Variants in LCORL observed in about 807,000 individuals in gnomAD.
The protein encoded by LCORL is ligand dependent nuclear receptor corepressor like, also known as ligand-dependent nuclear receptor corepressor-like protein.
Under a neutral mutation model 141.8 loss-of-function variants are expected in LCORL, and 41 were observed. The observed-to-expected ratio is 0.29, with a 90% CI of 0.23 to 0.38. The LOEUF (loss-of-function observed/expected upper bound fraction) is 0.38. LCORL is among the 10% of genes least tolerant of loss of function. LCORL has a pLI of 1.00. For synonymous variants in LCORL, 618 were observed against 694.1 expected (o/e 0.89, Z 1.72); for missense variants, 1,759 against 2,035.0 (o/e 0.86, Z 2.61).
chr4:17,847,593 G>A (rs1474234264), intron 7 of LCORL, among the ~76,000 whole-genome samples: 1 of 152,168 alleles, frequency 6.6e-6, no homozygotes, highest in East Asian at 1.9e-4. Context: ...TAAAACGGAT[G>A]TGATTAAAAA....
chr4:17,903,184 G>A (rs1317724561), intron 5 of LCORL, among the ~76,000 whole-genome samples: 1 of 151,972 alleles, frequency 6.6e-6, no homozygotes, highest in Non-Finnish European at 1.5e-5. Context: ...ATACCAAGCA[G>A]TGGAGACACA....
chr4:17,893,460 G>C, intron 5 of LCORL: 4 of 985,318 alleles, frequency 4.1e-6, no homozygotes, highest in Non-Finnish European at 4.8e-6. Context: ...ACAGTTTACA[G>C]AGGATATATA....
At chr4:17,987,873 C>A (rs1490666418) in intron 1 of LCORL, among the ~76,000 whole-genome samples, 1 of 152,168 alleles carries the variant, frequency 6.6e-6, no homozygotes, top group Non-Finnish European at 1.5e-5. Flanking sequence ...TTATTTTGAA[C>A]ATAAATCCCT....
chr4:18,009,900 T>C (rs542831379), intron 1 of LCORL, among the ~76,000 whole-genome samples: 2 of 152,278 alleles, frequency 1.3e-5, no homozygotes, highest in African/African-American at 2.4e-5. Context: ...TACATGACGA[T>C]GTGGCTCTGC....
chr4:17,867,035 G>A (rs1725757500), intron 7 of LCORL: 2 of 969,708 alleles, frequency 2.1e-6, no homozygotes, highest in African/African-American at 3.5e-5. Flanking sequence ...GCTGCAGGGA[G>A]AGAATAAAGA....
At chr4:17,842,856 G>C (rs1722549435) in exon 8 of LCORL, 1 of 164,196 alleles carries the variant, frequency 6.1e-6, no homozygotes, top group Non-Finnish European at 1.3e-5. Context: ...TGTATTTTCA[G>C]TACATAGTTT....
chr4:17,882,049 T>G, intron 6 of LCORL: 6 of 984,036 alleles, frequency 6.1e-6, no homozygotes, highest in Non-Finnish European at 7.2e-6. Context: ...GGGTTAAGTA[T>G]AGATCTCAGA....
rs1242629047 is a variant in LCORL at position 17,884,733 on chromosome 4, C to G, written c.776+1335G>C. ...TCAGCACTTCTTTCCACATAGTCCT[C>G]TCTGTTTCTGTGTAGTCTCCTGGAT... On this transcript the variant is annotated intron_variant, in intron 6 of 7. Transcript: ENST00000635767. This position sits in a 1 kb window ranked among gnomAD's most constrained non-coding sequence, Gnocchi z 4.4. 6.8e-7 allele frequency: 1 copy of G among 1,480,332 alleles called. No homozygotes were observed. Among genetic ancestry groups the G allele is most frequent in the East Asian group, 2.5e-5 (1 of 40,536 alleles). The allele number at this position is 1,480,332 out of a possible 1,614,324, so 91.7% of individuals were successfully genotyped here.
chr4:17,933,873 GAT>G (rs1736436802), intron 4 of LCORL, among the ~76,000 whole-genome samples: 1 of 152,002 alleles, frequency 6.6e-6, no homozygotes, highest in African/African-American at 2.4e-5. Context: ...ATGAAGAGTT[GAT>G]ATGTTTTCAG....
Position 17,884,392 on chromosome 4 carries a change from G to A in LCORL, c.776+1676C>T. On this transcript the variant is annotated intron_variant, in intron 6 of 7. Coordinates refer to ENST00000635767, the Ensembl canonical transcript of LCORL. This position sits in a 1 kb window ranked among gnomAD's most constrained non-coding sequence, Gnocchi z 4.4. ...GTAGAGTTAGCTGATGGAGGTAAGT[G>A]GAAGCTGTTGGGAATTTTATTTCTG... 1.3e-6 allele frequency: 2 copies of A among 1,548,816 alleles called. No homozygotes were observed. The highest frequency in any genetic ancestry group is 1.7e-6 in the Non-Finnish European group (2 of 1,145,842).
chr4:17,853,973 C>A (rs1724065399), intron 7 of LCORL, among the ~76,000 whole-genome samples: 1 of 152,034 alleles, frequency 6.6e-6, no homozygotes, highest in Non-Finnish European at 1.5e-5. Context: ...CATAAATTAC[C>A]AGAATAAAAC....
At chr4:18,014,565 T>A (rs1238647460) in intron 1 of LCORL, among the ~76,000 whole-genome samples, 1 of 151,894 alleles carries the variant, frequency 6.6e-6, no homozygotes, top group African/African-American at 2.4e-5. Flanking sequence ...AAAAGAAAAG[T>A]AAGACGCAAA....
chr4:17,980,642 C>A lies in LCORL; in HGVS notation c.155-7757G>T, dbSNP rs569191693. Among the ~76,000 whole-genome samples, 5 of 152,286 alleles carry A rather than the reference C, an allele frequency of 3.3e-5. No homozygotes were observed. The South Asian group carries it at 1.0e-3, about 32-fold the overall frequency. On this transcript the variant is annotated intron_variant, in intron 1 of 7. Coordinates refer to ENST00000635767, the Ensembl canonical transcript of LCORL. ...TAGCCATTTTTAACTTTTTAAAAAT[C>A]CAGCACTTTTCATTGTTTTTAGAAG...
chr4:17,861,062 T>C (rs904120387), intron 7 of LCORL, among the ~76,000 whole-genome samples: 1 of 152,144 alleles, frequency 6.6e-6, no homozygotes. Context: ...TTTTGGTGGA[T>C]CTACCATTCT....
At chr4:17,880,360 T>C (rs1727398973) in intron 6 of LCORL, 2 of 703,316 alleles carry the variant, frequency 2.8e-6, no homozygotes, top group Non-Finnish European at 3.5e-6. Flanking sequence ...TAGAATTTAT[T>C]CTCAGGTGAT....
chr4:17,998,287 A>G (rs1001436543), intron 1 of LCORL, among the ~76,000 whole-genome samples: 9 of 152,164 alleles, frequency 5.9e-5, no homozygotes, highest in African/African-American at 2.2e-4. Flanking sequence ...ACATTGTACG[A>G]CTACACTAAA....
chr4:17,976,805 T>C (rs1717077676), intron 1 of LCORL, among the ~76,000 whole-genome samples: 1 of 152,298 alleles, frequency 6.6e-6, no homozygotes, highest in South Asian at 2.1e-4. Flanking sequence ...GTGGTTTGCA[T>C]AGTTGCTGGC....
At chr4:17,888,834 G>A (rs1464344598) in intron 5 of LCORL, among the ~76,000 whole-genome samples, 1 of 152,004 alleles carries the variant, frequency 6.6e-6, no homozygotes, top group East Asian at 1.9e-4. Context: ...TTATAAGAAA[G>A]GATAACTGCC....
intron 4 of LCORL, among the ~76,000 whole-genome samples, chr4:17,927,501 T>C (rs1266321408): frequency 6.6e-6 from 1 of 152,246 alleles, no homozygotes; most frequent in African/African-American, 2.4e-5. Flanking sequence ...TTTTGGCCTA[T>C]CCTGACTTTT....
Sources: allele counts gnomAD v4.1 joint callset (sites outside exome capture counted in the v4.1 genomes callset), GRCh38; gene constraint gnomAD v4.1.1; non-coding constraint Gnocchi (gnomAD v3.1); transcripts MANE v1.5; gene names NCBI Gene and HGNC (gene_info 2026-07-23, HGNC 2026-07-21).